Variants in GUCY2C observed in about 807,000 individuals in gnomAD.
GUCY2C encodes the protein guanylyl cyclase C.
A neutral mutation model predicts 131.1 loss-of-function variants in GUCY2C; 118 were observed. That is an observed-to-expected ratio of 0.90 (90% CI 0.78 to 1.05). The LOEUF (loss-of-function observed/expected upper bound fraction) is 1.05. GUCY2C is among the 50% of genes least tolerant of loss of function. The pLI, the probability that GUCY2C is intolerant of heterozygous loss-of-function variation, is 0.00. For synonymous variants in GUCY2C, 452 were observed against 457.8 expected, an observed-to-expected ratio of 0.99 and a Z score of 0.16; for missense variants, 1,161 against 1,304.4, an observed-to-expected ratio of 0.89 and a Z score of 1.69.
chr12:14,666,262 C>T (rs1419432713), intron 10 of GUCY2C, among the ~76,000 whole-genome samples: 1 of 152,214 alleles, frequency 6.6e-6, no homozygotes, highest in Non-Finnish European at 1.5e-5. Flanking sequence ...AATGACACCC[C>T]CACACATGGC....
intron 15 of GUCY2C, among the ~76,000 whole-genome samples, chr12:14,646,193 G>A (rs1259854311): frequency 6.6e-6 from 1 of 152,114 alleles, no homozygotes; most frequent in Non-Finnish European, 1.5e-5. Context: ...CCAAGTTGCA[G>A]GATTTTAATT....
At position 14,625,801 on chromosome 12, in the gene GUCY2C, T is replaced by C. The variant is rs1592082432; in HGVS notation, c.2364A>G (p.Ala788=). 1 of 1,614,132 alleles carries C rather than the reference T, an allele frequency of 6.2e-7. No individual in the cohort carries two copies. Residue 788 remains alanine, a synonymous_variant, in exon 21 of 27, where the codon GCA becomes GCG. Transcript: ENST00000261170. ...TAAGTCTGTCAGCCCTGTCCCTCTC[T>C]GCCTTGTACAGCTGTGTCCTTTCCT... ...LVEERTQLYK[A]ERDRADRLNF... is the part of the protein sequence containing the mutation.
At chr12:14,653,206 C>G (rs572847910) in intron 12 of GUCY2C, among the ~76,000 whole-genome samples, 192 bp from the exon 13 acceptor site, 1 of 152,318 alleles carries the variant, frequency 6.6e-6, no homozygotes, top group South Asian at 2.1e-4. Context: ...CAACGTGTTT[C>G]CAGGTATCTA....
intron 21 of GUCY2C, among the ~76,000 whole-genome samples, 192 bp downstream of exon 21, chr12:14,625,565 C>G (rs1322115672): frequency 6.6e-6 from 1 of 152,038 alleles, no homozygotes; most frequent in Admixed American, 6.6e-5. Flanking sequence ...GATCTCCTGA[C>G]CTCATGATCC....
intron 15 of GUCY2C, among the ~76,000 whole-genome samples, chr12:14,648,597 T>TCCC (rs1947574747): frequency 6.6e-6 from 1 of 152,200 alleles, no homozygotes; most frequent in Non-Finnish European, 1.5e-5. Flanking sequence ...TTGTTTTTTT[T>TCCC]CCCCTTAAAA....
At chr12:14,692,095 T>C (rs960309240) in intron 1 of GUCY2C, among the ~76,000 whole-genome samples, 2 of 152,212 alleles carry the variant, frequency 1.3e-5, no homozygotes, top group African/African-American at 2.4e-5. Flanking sequence ...TCTCAAAGTA[T>C]GAGCCACTGA....
chr12:14,628,710 C>A lies in GUCY2C; in HGVS notation c.2185G>T (p.Glu729Ter), dbSNP rs200313657. 1.9e-6 allele frequency: 3 copies of A among 1,600,762 alleles called. No homozygotes were observed. In the African/African-American group the frequency reaches 4.0e-5, roughly 22 times the overall value. The change falls in exon 20 of 27, where the codon GAG becomes TAG. Residue 729 changes from glutamate (E) to a stop codon, truncating the protein, a stop_gained. Coordinates refer to ENST00000261170, the MANE Select transcript of GUCY2C (RefSeq NM_004963.4). LOFTEE classifies it high-confidence loss of function. Reference sequence around the variant, plus strand: ...TCTGGTCTCTTTTCTGGATCTTCCTCCCAACAGTTTTTTACAAGTAGGTAC... The same window carrying A: ...TCTGGTCTCTTTTCTGGATCTTCCTACCAACAGTTTTTTACAAGTAGGTAC... Reference protein sequence around the residue: ...EVYLLVKNCWEEDPEKRPDFK... With the variant: ...EVYLLVKNCW
intron 19 of GUCY2C, among the ~76,000 whole-genome samples, chr12:14,637,859 A>G (rs1947305801): frequency 6.6e-6 from 1 of 152,226 alleles, no homozygotes; most frequent in Non-Finnish European, 1.5e-5. Context: ...AGGCAACCAA[A>G]CCAAAAATAG....
chr12:14,624,238 C>T (rs1348386280), intron 21 of GUCY2C, among the ~76,000 whole-genome samples: 3 of 152,018 alleles, frequency 2.0e-5, no homozygotes, highest in Non-Finnish European at 4.4e-5. Context: ...GTCAGGAGTT[C>T]GAGACCAGTC....
chr12:14,643,840 TA>T, intron 16 of GUCY2C, 134 bp from the exon 17 acceptor site: 1 of 726,800 alleles, frequency 1.4e-6, no homozygotes, highest in Non-Finnish European at 2.3e-6. Flanking sequence ...TTAGTCCCAC[TA>T]TTTTTACCTT....
intron 17 of GUCY2C, among the ~76,000 whole-genome samples, chr12:14,641,639 C>A (rs1187163979): frequency 1.3e-5 from 2 of 152,062 alleles, no homozygotes; most frequent in African/African-American, 4.8e-5. Context: ...CTATGAAAGC[C>A]TTCAAAATAC....
At position 14,669,812 on chromosome 12, in the gene GUCY2C, C is replaced by T. The variant is rs763149334; in HGVS notation, c.1192G>A (p.Asp398Asn). 1.3e-6 allele frequency: 2 copies of T among 1,580,966 alleles called. No homozygotes were observed. The highest frequency in any genetic ancestry group is 4.5e-5 in the East Asian group (2 of 44,290). The part of the protein sequence containing the change: ...TKKYKVLLTY[D>N]THVNKTYPVD... ...GGATAGGTCTTATTTACGTGGGTAT[C>T]ATAGGTCAAAAGAACCTTGTACTGT... Residue 398 changes from aspartate (D) to asparagine (N), a missense_variant, in exon 10 of 27, where the codon GAT (aspartate) becomes AAT (asparagine). Physicochemically the swap from Asp to Asn is conservative, Grantham distance 23. Coordinates refer to ENST00000261170, the MANE Select transcript of GUCY2C (RefSeq NM_004963.4).
At chr12:14,626,952 T>C (rs1947031814) in intron 20 of GUCY2C, among the ~76,000 whole-genome samples, 1 of 152,136 alleles carries the variant, frequency 6.6e-6, no homozygotes, top group African/African-American at 2.4e-5. Context: ...GGAGAAGGAC[T>C]GAGAAAAGCC....
chr12:14,661,137 G>A, intron 10 of GUCY2C, 75 bp from the exon 11 acceptor site: 1 of 902,014 alleles, frequency 1.1e-6, no homozygotes. Context: ...GCTGTACAAT[G>A]TAATTTGGGG....
intron 15 of GUCY2C, among the ~76,000 whole-genome samples, chr12:14,650,526 G>T (rs1238789858): frequency 6.6e-6 from 1 of 152,306 alleles, no homozygotes; most frequent in South Asian, 2.1e-4. Flanking sequence ...CATTACAGGC[G>T]TGAGCCACCG....
chr12:14,694,713 G>A (rs1305201653), intron 1 of GUCY2C, among the ~76,000 whole-genome samples: 1 of 152,298 alleles, frequency 6.6e-6, no homozygotes, highest in Non-Finnish European at 1.5e-5. Flanking sequence ...TGTTGTGTGT[G>A]CACAGAAGTA....
intron 17 of GUCY2C, among the ~76,000 whole-genome samples, chr12:14,642,762 G>A (rs1201027756): frequency 1.3e-5 from 2 of 152,156 alleles, no homozygotes; most frequent in Admixed American, 1.3e-4. Context: ...TCATGAACCA[G>A]GCTTGGCACA....
At position 14,654,767 on chromosome 12, in the gene GUCY2C, G is replaced by A. The variant is rs1041308973; in HGVS notation, c.1470+1745C>T. ...AAGGCTGGACTTGTGCAGAGGTGGA[G>A]CGTGTGGGAGCCCATCTGGGAGAAG... On this transcript the variant is annotated intron_variant, in intron 12 of 26. Transcript: ENST00000261170. Among the ~76,000 whole-genome samples the A allele has an allele frequency of 3.3e-5, 5 of 152,164 alleles. No individual in the cohort carries two copies. In the South Asian group the frequency reaches 1.0e-3, roughly 32 times the overall value.
intron 16 of GUCY2C, among the ~76,000 whole-genome samples, chr12:14,644,051 G>C (rs768221770): frequency 6.6e-6 from 1 of 152,136 alleles, no homozygotes; most frequent in African/African-American, 2.4e-5. Context: ...CTCTGGTCCT[G>C]TTTTACATGA....
Sources: allele counts gnomAD v4.1 joint callset (sites outside exome capture counted in the v4.1 genomes callset), GRCh38; gene constraint gnomAD v4.1.1; transcripts MANE v1.5; gene names NCBI Gene and HGNC (gene_info 2026-07-23, HGNC 2026-07-21).